HTT: variants seen among roughly 807,000 people sequenced by gnomAD.
HTT encodes the protein huntington disease protein.
Under a neutral mutation model 362.3 loss-of-function variants are expected in HTT, and 104 were observed. The ratio of observed to expected loss-of-function variants is 0.29; its 90% CI spans 0.24 to 0.34. The LOEUF (loss-of-function observed/expected upper bound fraction) is 0.34, where lower values mean the gene tolerates loss of function less well. Among genes scored for constraint, HTT ranks in the 10% least tolerant of loss-of-function variants. The pLI, the probability that HTT is intolerant of heterozygous loss-of-function variation, is 1.00. For missense variants in HTT, 3,301 were observed against 3,928.6 expected (o/e 0.84, Z 4.27); for synonymous variants, 1,577 against 1,548.7 (o/e 1.02, Z -0.43).
intron 40 of HTT, among the ~76,000 whole-genome samples, chr4:3,190,476 C>G (rs1367957525): frequency 6.6e-6 from 1 of 152,090 alleles, no homozygotes. Flanking sequence ...GTAGCTCACA[C>G]CTGAAATCCC....
intron 27 of HTT, among the ~76,000 whole-genome samples, chr4:3,156,012 T>G (rs1021211811): frequency 6.6e-6 from 1 of 152,180 alleles, no homozygotes; most frequent in Non-Finnish European, 1.5e-5. Flanking sequence ...ACTCTTTCAG[T>G]GATTTTCTTG....
In HTT at chr4:3,240,092, C is replaced by A. The variant is rs370044029; in HGVS notation, c.*33C>A. The A allele has an allele frequency of 4.7e-5, 72 of 1,530,876 alleles. No individual in the cohort carries two copies. The highest frequency in any genetic ancestry group is 3.1e-4 in the East Asian group (13 of 42,190). 94.8% of individuals were successfully genotyped at this position (1,530,876 alleles called of 1,614,324 possible). A position where few individuals can be genotyped will look rare whatever the true frequency, so the allele number is the denominator to read the frequency against. ...GGTGGGAGAGACTGTGAGGCGGCAG[C>A]TGGGGCCGGAGCCTTTGGAAGTCTG... On this transcript the variant is annotated 3_prime_UTR_variant, in exon 67 of 67. Coordinates refer to ENST00000355072, the MANE Select transcript of HTT (RefSeq NM_001388492.1).
rs186926414 is a variant in HTT at position 3,207,065 on chromosome 4, C to T, written c.6075+82C>T. On this transcript the variant is annotated intron_variant, in intron 44 of 66. Transcript: ENST00000355072. The stretch of plus-strand genomic sequence containing the variant: ...AAAACAGGTGGCTGGCTTTTTCCTC[C>T]GTAAGTATGGTCTTGACATGGTCAC... 64 of 1,359,760 alleles carry T rather than the reference C, an allele frequency of 4.7e-5. No homozygotes were observed. The East Asian group carries it at 1.3e-3, about 28-fold the overall frequency. The allele number at this position is 1,359,760 out of a possible 1,614,324, so 84.2% of individuals were successfully genotyped here. A position where few individuals can be genotyped will look rare whatever the true frequency, so the allele number is the denominator to read the frequency against.
intron 3 of HTT, among the ~76,000 whole-genome samples, chr4:3,103,272 T>G (rs1714251607): frequency 7.0e-6 from 1 of 143,236 alleles, no homozygotes; most frequent in South Asian, 2.2e-4. Flanking sequence ...TTGCCCAGGC[T>G]GGAGTGCAAT....
rs750956107 is a variant in HTT at position 3,107,309 on chromosome 4, G to A, written c.633G>A (p.Pro211=). The A allele has an allele frequency of 2.3e-5, 37 of 1,614,046 alleles. No individual in the cohort carries two copies. Among genetic ancestry groups the A allele is most frequent in the African/African-American group, 6.7e-5 (5 of 74,940 alleles). ...KCRPYLVNLL[P]CLTRTSKRPE... ...GGCCTTACCTGGTGAACCTTCTGCC[G>A]TGCCTGACTCGAACAAGCAAGAGAC... Residue 211 remains proline, a synonymous_variant, in exon 6 of 67, where the codon CCG becomes CCA. Transcript: ENST00000355072.
intron 26 of HTT, among the ~76,000 whole-genome samples, chr4:3,151,560 T>A (rs1716893359): frequency 6.6e-6 from 1 of 152,134 alleles, no homozygotes; most frequent in Non-Finnish European, 1.5e-5. Flanking sequence ...GCATGAGATT[T>A]GGGTGGGGAC....
chr4:3,177,438 A>G (rs775812412), intron 34 of HTT, 51 bp downstream of exon 34: 2 of 1,236,256 alleles, frequency 1.6e-6, no homozygotes, highest in Non-Finnish European at 2.3e-6. Context: ...GTGTACTTAC[A>G]TGTAATTTAG....
In HTT at chr4:3,240,044, G is replaced by A. The variant is rs1312005899; in HGVS notation, c.9414G>A (p.Lys3138=). ...RLLTCLRNVH[K]VTTC is the part of the protein sequence containing the mutation. ...TGACTTGTTTACGAAATGTCCACAAGGTCACCACCTGCTGAGCGCCATGGT... is the reference window on the plus strand; with the variant it reads ...TGACTTGTTTACGAAATGTCCACAAAGTCACCACCTGCTGAGCGCCATGGT... The change falls in exon 67 of 67, where the codon AAG becomes AAA. Residue 3138 remains lysine, a synonymous_variant. Coordinates refer to ENST00000355072, the MANE Select transcript of HTT (RefSeq NM_001388492.1). 1.9e-6 allele frequency: 3 copies of A among 1,590,928 alleles called. No individual in the cohort carries two copies. Among genetic ancestry groups the A allele is most frequent in the African/African-American group, 2.7e-5 (2 of 74,848 alleles).
At position 3,233,448 on chromosome 4, in the gene HTT, A is replaced by C; in HGVS notation, c.8456+95A>C. ...TCTCCAAGTGCCCAGGCTCCTGGCC[A>C]GATGGCAGGCCAGGTATCAGTGGGA... is the stretch of plus-strand genomic sequence containing the variant. On this transcript the variant is annotated intron_variant, in intron 61 of 66. Coordinates refer to ENST00000355072, the MANE Select transcript of HTT (RefSeq NM_001388492.1). The C allele has an allele frequency of 2.4e-6, 3 of 1,243,100 alleles. No homozygotes were observed. In the South Asian group the frequency reaches 4.1e-5, roughly 17 times the overall value. The allele number at this position is 1,243,100 out of a possible 1,614,324, so 77.0% of individuals were successfully genotyped here.
chr4:3,122,593 A>G (rs1437351425), intron 9 of HTT, among the ~76,000 whole-genome samples: 4 of 152,200 alleles, frequency 2.6e-5, no homozygotes, highest in Non-Finnish European at 5.9e-5. Context: ...GTTATACTTG[A>G]CTGTTAGTCA....
In HTT at chr4:3,217,787, C is replaced by T; in HGVS notation, c.7077C>T (p.Ala2359=). ...NTQNPKYITA[A]CEMVAEMVES... is the part of the protein sequence containing the mutation. ...TAGATCCTAAGTATATCACTGCAGC[C>T]TGTGAGATGGTGGCAGAAATGGTGG... The change falls in exon 52 of 67, where the codon GCC becomes GCT. Residue 2359 remains alanine (A), a synonymous_variant. Coordinates refer to ENST00000355072, the MANE Select transcript of HTT (RefSeq NM_001388492.1). 1 of 1,613,870 alleles carries T rather than the reference C, an allele frequency of 6.2e-7. No individual in the cohort carries two copies. The highest frequency in any genetic ancestry group is 8.5e-7 in the Non-Finnish European group (1 of 1,179,860).
Position 3,103,972 on chromosome 4 carries a change from T to C in HTT, c.528+89T>C, listed in dbSNP as rs113789036. 48 of 759,388 alleles carry C rather than the reference T, an allele frequency of 6.3e-5. 1 individual carries two copies. Among genetic ancestry groups the C allele is most frequent in the African/African-American group, 5.9e-4 (33 of 56,310 alleles). 47.0% of individuals were successfully genotyped at this position (759,388 alleles called of 1,614,324 possible). A position where few individuals can be genotyped will look rare whatever the true frequency, so the allele number is the denominator to read the frequency against. On this transcript the variant is annotated intron_variant, in intron 4 of 66. Transcript: ENST00000355072. ...TTGTAGGTACATGTAAATGTATATATTTATGGGGTACATGAGATATTTTGA... is the reference window on the plus strand; with the variant it reads ...TTGTAGGTACATGTAAATGTATATACTTATGGGGTACATGAGATATTTTGA...
At chr4:3,178,858 A>G (rs1718366401) in intron 35 of HTT, among the ~76,000 whole-genome samples, 1 of 152,230 alleles carries the variant, frequency 6.6e-6, no homozygotes, top group African/African-American at 2.4e-5. Flanking sequence ...TATTGGAGAT[A>G]TAGTTTGACT....
At chr4:3,152,456 T>A (rs1716946559) in intron 26 of HTT, among the ~76,000 whole-genome samples, 1 of 152,212 alleles carries the variant, frequency 6.6e-6, no homozygotes, top group South Asian at 2.1e-4. Flanking sequence ...ATATAATTCA[T>A]TCTCTTTAGT....
chr4:3,173,742 C>T (rs1224017123), intron 31 of HTT, among the ~76,000 whole-genome samples: 2 of 151,068 alleles, frequency 1.3e-5, no homozygotes, highest in Non-Finnish European at 1.5e-5. Context: ...AATCTCAGCT[C>T]ACTGCAAGCT....
intron 29 of HTT, among the ~76,000 whole-genome samples, chr4:3,166,831 A>G (rs1717737700): frequency 6.6e-6 from 1 of 152,220 alleles, no homozygotes. Flanking sequence ...CTGCTCCTTC[A>G]GGTACAGTCA....
Position 3,241,893 on chromosome 4 carries a change from G to T in HTT, c.*1834G>T, listed in dbSNP as rs912474473. On this transcript the variant is annotated 3_prime_UTR_variant, in exon 67 of 67. Coordinates refer to ENST00000355072, the MANE Select transcript of HTT (RefSeq NM_001388492.1). ...CAGGAGCGGTAGAAAGGGGTCCGATGTTTGAGGAGGCCCTTAAGGGAAGCT... is the reference window on the plus strand; with the variant it reads ...CAGGAGCGGTAGAAAGGGGTCCGATTTTTGAGGAGGCCCTTAAGGGAAGCT... 5.9e-5 allele frequency: 9 copies of T among 152,186 alleles called. No homozygotes were observed. The highest frequency in any genetic ancestry group is 1.2e-4 in the Non-Finnish European group (8 of 68,038). 9.4% of individuals were successfully genotyped at this position (152,186 alleles called of 1,614,324 possible). A position where few individuals can be genotyped will look rare whatever the true frequency, so the allele number is the denominator to read the frequency against.
chr4:3,091,222 G>T, intron 2 of HTT, among the ~76,000 whole-genome samples: 1 of 152,212 alleles, frequency 6.6e-6, no homozygotes, highest in Non-Finnish European at 1.5e-5. Context: ...ACAGAAAGAA[G>T]AGTGTATGTG....
intron 9 of HTT, among the ~76,000 whole-genome samples, chr4:3,122,062 C>T (rs1055765423): frequency 2.0e-5 from 3 of 152,208 alleles, no homozygotes; most frequent in Non-Finnish European, 4.4e-5. Flanking sequence ...ATGGCATCTT[C>T]AAGTCGTCAG....
Sources: gnomAD v4.1 joint callset for allele counts (sites outside exome capture counted in the v4.1 genomes callset) on GRCh38, gnomAD v4.1.1 for gene constraint, MANE v1.5 for transcripts, NCBI Gene and HGNC (gene_info 2026-07-23, HGNC 2026-07-21) for gene names.